Variants in NPAS2 observed in about 807,000 individuals in gnomAD.
NPAS2 encodes the protein neuronal PAS domain-containing protein 2.
Under a neutral mutation model 107.5 loss-of-function variants are expected in NPAS2, and 23 were observed. The observed-to-expected ratio is 0.21, with a 90% CI of 0.15 to 0.30. The LOEUF is 0.30. Among genes scored for constraint, NPAS2 ranks in the 10% least tolerant of loss-of-function variants. The pLI is 1.00. For missense variants in NPAS2, 756 were observed against 1,043.3 expected (o/e 0.72, Z 3.79); for synonymous variants, 403 against 417.5 (o/e 0.97, Z 0.42).
intron 3 of NPAS2, among the ~76,000 whole-genome samples, chr2:100,931,616 A>G (rs1442815325): frequency 6.7e-6 from 1 of 149,886 alleles, no homozygotes. Context: ...CCTCCTGAGG[A>G]GCTGGGACTA....
At chr2:100,840,721 A>G (rs1209472944) in intron 1 of NPAS2, among the ~76,000 whole-genome samples, 1 of 152,094 alleles carries the variant, frequency 6.6e-6, no homozygotes, top group African/African-American at 2.4e-5. Context: ...CTGTGAAGTC[A>G]TCAGTTTCAC....
At chr2:100,964,199 A>G (rs766407351) in intron 8 of NPAS2, 23 bp downstream of exon 8, 1 of 1,409,614 alleles carries the variant, frequency 7.1e-7, no homozygotes. Context: ...GAGGCAGTTC[A>G]TTGTGCGGAG....
At chr2:100,862,120 A>G (rs990674388) in intron 1 of NPAS2, among the ~76,000 whole-genome samples, 4 of 152,262 alleles carry the variant, frequency 2.6e-5, no homozygotes, top group African/African-American at 4.8e-5. Flanking sequence ...AACTATAATC[A>G]TAGCATTCTC....
intron 16 of NPAS2, 37 bp from the exon 17 acceptor site, chr2:100,988,042 G>T: frequency 1.2e-6 from 2 of 1,606,164 alleles, no homozygotes; most frequent in South Asian, 2.2e-5. Context: ...AGGTACCCAT[G>T]ACCCCAACTT....
intron 3 of NPAS2, among the ~76,000 whole-genome samples, chr2:100,932,660 G>A (rs1684034759): frequency 6.6e-6 from 1 of 152,206 alleles, no homozygotes; most frequent in African/African-American, 2.4e-5. Flanking sequence ...GGTACCACCT[G>A]CAAGGGCAGG....
At position 100,990,371 on chromosome 2, in the gene NPAS2, C is replaced by T. The variant is rs752194246; in HGVS notation, c.1943C>T (p.Thr648Ile). Reference sequence around the variant, plus strand: ...GCGCTCCCGCCAAGTCTGAATCTGACCACACCTGCTTCCACCTCCCAGGAT... The same window carrying T: ...GCGCTCCCGCCAAGTCTGAATCTGATCACACCTGCTTCCACCTCCCAGGAT... ...TAALPPSLNLTTPASTSQDAS... is the reference protein window; with the variant it reads ...TAALPPSLNLITPASTSQDAS... The change falls in exon 18 of 21, where the codon ACC becomes ATC. Residue 648 changes from threonine to isoleucine, a missense_variant. Physicochemically the swap from Thr to Ile is moderately conservative, Grantham distance 89. Around this residue, in one of 4 missense-constraint regions of NPAS2, gnomAD observed 496 missense variants for 594.4 expected, o/e 0.83. Coordinates refer to ENST00000335681, the MANE Select transcript of NPAS2 (RefSeq NM_002518.4). The T allele has an allele frequency of 6.2e-7, 1 of 1,614,226 alleles. No individual in the cohort carries two copies.
intron 4 of NPAS2, chr2:100,935,044 G>A: frequency 1.0e-6 from 1 of 985,376 alleles, no homozygotes; most frequent in Non-Finnish European, 1.2e-6. Context: ...CAGACTCCAG[G>A]AGGACTCACA....
At chr2:100,994,090 C>T (rs944792783) in intron 20 of NPAS2, 1 of 152,302 alleles carries the variant, frequency 6.6e-6, no homozygotes, top group African/African-American at 2.4e-5. Context: ...CACTGGTCCG[C>T]AGGTTCACGT....
At chr2:100,830,276 T>C (rs1676650477) in intron 1 of NPAS2, among the ~76,000 whole-genome samples, 1 of 152,248 alleles carries the variant, frequency 6.6e-6, no homozygotes, top group Admixed American at 6.5e-5. Flanking sequence ...GGCATACAAA[T>C]GCAAACATTT....
rs140039516 is a variant in NPAS2, at chr2:100,950,788, G to A, written c.598+1308G>A. The stretch of plus-strand genomic sequence containing the variant: ...GGTCGGAAGTGGTGGGAAGTCCATC[G>A]TCCCAGGTGGGCCCCTACATCTGGG... On this transcript the variant is annotated intron_variant, in intron 7 of 20. Transcript: ENST00000335681. Among the ~76,000 whole-genome samples, 637 of 152,294 alleles carry A rather than the reference G, an allele frequency of 4.2e-3. 7 individuals are homozygous for A. Among genetic ancestry groups the A allele is most frequent in the African/African-American group, 0.015 (612 of 41,562 alleles).
intron 1 of NPAS2, among the ~76,000 whole-genome samples, chr2:100,854,874 G>T (rs747684696): frequency 1.3e-5 from 2 of 152,186 alleles, no homozygotes; most frequent in African/African-American, 2.4e-5. Flanking sequence ...CTATTGAGAC[G>T]CTGAAATGTT....
At chr2:100,990,655 G>A in intron 18 of NPAS2, 125 bp from the exon 19 acceptor site, 2 of 1,049,884 alleles carry the variant, frequency 1.9e-6, no homozygotes, top group South Asian at 1.4e-5. Context: ...AGAGAATGAA[G>A]CCAGGAGAGT....
chr2:100,882,577 C>T lies in NPAS2; in HGVS notation c.-22-22156C>T, dbSNP rs577647900. Among the ~76,000 whole-genome samples the T allele has an allele frequency of 1.3e-4, 20 of 152,326 alleles. No homozygotes were observed. In the East Asian group the frequency reaches 3.5e-3, roughly 26 times the overall value. The stretch of plus-strand genomic sequence containing the variant: ...GCAGTGAGCCGAGATCGCACCACTG[C>T]GCTCCAGCCTGGGAGACAGAGCGAG... On this transcript the variant is annotated intron_variant, in intron 1 of 20. Coordinates refer to ENST00000335681, the MANE Select transcript of NPAS2 (RefSeq NM_002518.4).
intron 7 of NPAS2, among the ~76,000 whole-genome samples, chr2:100,956,457 A>G (rs1253983030): frequency 6.6e-6 from 1 of 152,148 alleles, no homozygotes; most frequent in Non-Finnish European, 1.5e-5. Flanking sequence ...CAGTGAGTGC[A>G]TGTGGTATTT....
chr2:100,926,600 G>A (rs745542783), intron 3 of NPAS2, among the ~76,000 whole-genome samples: 2 of 152,026 alleles, frequency 1.3e-5, no homozygotes, highest in Non-Finnish European at 2.9e-5. Flanking sequence ...CTTCTTTGGA[G>A]AGATGTCCAA....
In NPAS2 at chr2:100,991,261, C is replaced by T. The variant is rs111773144; in HGVS notation, c.2111+389C>T. Among the ~76,000 whole-genome samples, 197 of 152,256 alleles carry T rather than the reference C, an allele frequency of 1.3e-3. 2 individuals carry two copies. Among genetic ancestry groups the T allele is most frequent in the African/African-American group, 4.5e-3 (187 of 41,542 alleles). On this transcript the variant is annotated intron_variant, in intron 19 of 20. Coordinates refer to ENST00000335681, the MANE Select transcript of NPAS2 (RefSeq NM_002518.4). ...ACTTGGTGCTCCGTGCTTCTGGCAC[C>T]GTGCTCGGGCCCGTCTCTCCCAGAC...
intron 3 of NPAS2, among the ~76,000 whole-genome samples, chr2:100,931,370 C>T (rs1270030168): frequency 7.2e-5 from 11 of 152,092 alleles, no homozygotes; most frequent in Admixed American, 5.9e-4. Flanking sequence ...AGCAGCAACT[C>T]GTTCTTTCTG....
chr2:100,962,137 G>A (rs1259414946), intron 7 of NPAS2, among the ~76,000 whole-genome samples: 1 of 152,106 alleles, frequency 6.6e-6, no homozygotes, highest in African/African-American at 2.4e-5. Flanking sequence ...GCCAACTTGT[G>A]ACAGATGTAA....
chr2:100,825,082 G>A (rs953693372), intron 1 of NPAS2, among the ~76,000 whole-genome samples: 2 of 152,292 alleles, frequency 1.3e-5, no homozygotes, highest in African/African-American at 2.4e-5. Flanking sequence ...GCTGAAGGCC[G>A]TGGCAGATAA....
Sources: gnomAD v4.1 joint callset for allele counts (sites outside exome capture counted in the v4.1 genomes callset) on GRCh38, gnomAD v4.1.1 for gene constraint, gnomAD v4.1.1 regional missense constraint, MANE v1.5 for transcripts, NCBI Gene and HGNC (gene_info 2026-07-23, HGNC 2026-07-21) for gene names.